OPRM1: variants seen among roughly 807,000 people sequenced by gnomAD.
OPRM1 encodes the protein mu-type opioid receptor.
OPRM1 carries 27 observed loss-of-function variants against 31.8 expected under a neutral mutation model. That is an observed-to-expected ratio of 0.85 (90% CI 0.63 to 1.17). The LOEUF (loss-of-function observed/expected upper bound fraction) is 1.17. Ranked by LOEUF, OPRM1 falls within the 50% of genes most tolerant of loss-of-function variation. The pLI is 0.00. For missense variants in OPRM1, 536 were observed against 511.1 expected, an observed-to-expected ratio of 1.05 and a Z score of -0.47; for synonymous variants, 196 against 189.9, an observed-to-expected ratio of 1.03 and a Z score of -0.26.
At chr6:154,040,759 A>G (rs1262111995) in intron 1 of OPRM1, among the ~76,000 whole-genome samples, 4 of 152,184 alleles carry the variant, frequency 2.6e-5, no homozygotes, top group African/African-American at 7.2e-5. Context: ...AAATTAATTC[A>G]AAAGAGTTGT....
intron 3 of OPRM1, among the ~76,000 whole-genome samples, chr6:154,138,203 T>A (rs1798106689): frequency 6.6e-6 from 1 of 152,068 alleles, no homozygotes; most frequent in African/African-American, 2.4e-5. Flanking sequence ...TCTCTCATAA[T>A]TGACGTGAGG....
intron 3 of OPRM1, among the ~76,000 whole-genome samples, chr6:154,172,393 A>C (rs1799945827): frequency 6.6e-6 from 1 of 152,184 alleles, no homozygotes; most frequent in African/African-American, 2.4e-5. Context: ...AGCCAAGGGA[A>C]GCCATGAGTA....
intron 1 of OPRM1, among the ~76,000 whole-genome samples, chr6:154,047,438 TTCTCTC>T (rs61704475): frequency 1.4e-4 from 20 of 146,574 alleles, no homozygotes; most frequent in South Asian, 8.8e-4. Flanking sequence ...GTGGGCAAAA[TTCTCTC>T]TCTCTCTCTC....
chr6:154,021,376 T>C (rs1778357008), intron 1 of OPRM1, among the ~76,000 whole-genome samples: 1 of 152,208 alleles, frequency 6.6e-6, no homozygotes, highest in Non-Finnish European at 1.5e-5. Context: ...TTATAGTAAG[T>C]CTTGAAGTCG....
chr6:154,150,439 C>A (rs1233369180), intron 3 of OPRM1, among the ~76,000 whole-genome samples: 1 of 152,166 alleles, frequency 6.6e-6, no homozygotes, highest in East Asian at 1.9e-4. Context: ...TAGCCCTTCC[C>A]CCATTGGCTA....
chr6:154,121,588 C>A lies in OPRM1; in HGVS notation c.*2867C>A, dbSNP rs545011801. Among the ~76,000 whole-genome samples, 1 of 152,278 alleles carries A rather than the reference C, an allele frequency of 6.6e-6. No homozygotes were observed. Among genetic ancestry groups the A allele is most frequent in the South Asian group, 2.1e-4 (1 of 4,830 alleles). On this transcript the variant is annotated 3_prime_UTR_variant, in exon 4 of 4. Transcript: ENST00000330432. Reference sequence around the variant, plus strand: ...TGACTGTGTTGATAAAACTGATAACCATTCACTTGCAAATGTTATTATTGA... The same window carrying A: ...TGACTGTGTTGATAAAACTGATAACAATTCACTTGCAAATGTTATTATTGA...
At chr6:154,093,491 C>T in intron 3 of OPRM1, 1 of 1,606,734 alleles carries the variant, frequency 6.2e-7, no homozygotes, top group Non-Finnish European at 8.5e-7. Flanking sequence ...TGACTCCCTT[C>T]CAAATTCGGC....
intron 3 of OPRM1, among the ~76,000 whole-genome samples, chr6:154,163,414 C>T (rs1282685680): frequency 2.6e-5 from 4 of 152,204 alleles, no homozygotes; most frequent in Non-Finnish European, 5.9e-5. Context: ...TTCAAAGAGG[C>T]CTTTCATGTC....
At chr6:154,182,714 C>A (rs906958249) in intron 3 of OPRM1, among the ~76,000 whole-genome samples, 5 of 152,062 alleles carry the variant, frequency 3.3e-5, no homozygotes, top group Non-Finnish European at 5.9e-5. Flanking sequence ...TGGAAAATGA[C>A]CTAAATTCTA....
chr6:154,027,424 C>T (rs117514803), intron 1 of OPRM1, among the ~76,000 whole-genome samples: 6,446 of 152,272 alleles, frequency 0.042, 185 homozygotes, highest in Non-Finnish European at 0.064. Flanking sequence ...CTGGGTCAGA[C>T]CTCAAGCCAA....
intron 3 of OPRM1, among the ~76,000 whole-genome samples, chr6:154,210,396 T>G (rs1176028861): frequency 2.6e-5 from 4 of 152,136 alleles, no homozygotes; most frequent in Non-Finnish European, 4.4e-5. Flanking sequence ...TGTTACAGGT[T>G]AAAATAGGAG....
At chr6:154,106,626 C>T (rs1419184052) in intron 3 of OPRM1, among the ~76,000 whole-genome samples, 1 of 152,202 alleles carries the variant, frequency 6.6e-6, no homozygotes, top group East Asian at 1.9e-4. Flanking sequence ...TTCTGACTTG[C>T]CCTAAACCTC....
At chr6:154,100,371 T>C (rs995588397) in intron 3 of OPRM1, among the ~76,000 whole-genome samples, 2 of 151,328 alleles carry the variant, frequency 1.3e-5, no homozygotes, top group African/African-American at 4.8e-5. Context: ...AATACACCCA[T>C]AAATATTAAC....
At chr6:154,189,327 T>C (rs1170318522) in intron 3 of OPRM1, among the ~76,000 whole-genome samples, 1 of 152,186 alleles carries the variant, frequency 6.6e-6, no homozygotes, top group Non-Finnish European at 1.5e-5. Context: ...AGCAATTTCA[T>C]CTAGTAAAGT....
At position 154,183,077 on chromosome 6, in the gene OPRM1, T is replaced by C. The variant is rs867012723; in HGVS notation, c.1165-63616T>C. On this transcript the variant is annotated intron_variant, in intron 3 of 3. Transcript: ENST00000337049. The stretch of plus-strand genomic sequence containing the variant: ...TCACTGCAACCTCTGCCTCCCAGGT[T>C]CAAGTGATTCTCCTGCCTCAGCTTC... 5.9e-5 allele frequency among the ~76,000 whole-genome samples: 9 copies of C among 152,244 alleles called. No individual in the cohort carries two copies. In the South Asian group the frequency reaches 1.7e-3, roughly 28 times the overall value.
At chr6:154,145,537 G>A (rs150905927) in intron 3 of OPRM1, among the ~76,000 whole-genome samples, 1 of 152,350 alleles carries the variant, frequency 6.6e-6, no homozygotes, top group East Asian at 1.9e-4. Context: ...ATTGTTCATA[G>A]GTTGGAAGAC....
rs1184450291 is a variant in OPRM1, at chr6:154,126,917, C to T, written c.*8196C>T. Among the ~76,000 whole-genome samples, 1 of 152,146 alleles carries T rather than the reference C, an allele frequency of 6.6e-6. No homozygotes were observed. Among genetic ancestry groups the T allele is most frequent in the Non-Finnish European group, 1.5e-5 (1 of 68,030 alleles). On this transcript the variant is annotated 3_prime_UTR_variant, in exon 4 of 4. Transcript: ENST00000330432. ...ACAAGGTCAGGAGATCAAGACCATCCTGGCCAATATGGTAAAACCCCATCT... is the reference window on the plus strand; with the variant it reads ...ACAAGGTCAGGAGATCAAGACCATCTTGGCCAATATGGTAAAACCCCATCT...
At chr6:154,092,328 C>T (rs1314023747) in intron 3 of OPRM1, among the ~76,000 whole-genome samples, 1 of 152,182 alleles carries the variant, frequency 6.6e-6, no homozygotes, top group African/African-American at 2.4e-5. Context: ...GACCTCTGAT[C>T]TATAAAATCA....
In OPRM1 at chr6:154,079,856, G is replaced by A. The variant is rs565746731; in HGVS notation, c.291-9970G>A. ...TCCCAAAGAGCTTAGGATTACAGACGTGAGCAACTGCACCTGGTCAGAAAA... is the reference window on the plus strand; with the variant it reads ...TCCCAAAGAGCTTAGGATTACAGACATGAGCAACTGCACCTGGTCAGAAAA... On this transcript the variant is annotated intron_variant, in intron 1 of 3. Transcript: ENST00000330432. 1.7e-4 allele frequency among the ~76,000 whole-genome samples: 26 copies of A among 152,058 alleles called. 1 individual carries two copies. The highest frequency in any genetic ancestry group is 1.5e-3 in the South Asian group (7 of 4,814).
Sources: gnomAD v4.1 joint callset for allele counts (sites outside exome capture counted in the v4.1 genomes callset) on GRCh38, gnomAD v4.1.1 for gene constraint, MANE v1.5 for transcripts, NCBI Gene and HGNC (gene_info 2026-07-23, HGNC 2026-07-21) for gene names.